The following HEATR1 variants were observed in gnomAD, a reference collection of about 807,000 sequenced individuals.
HEATR1 encodes HEAT repeat-containing protein 1.
Under a neutral mutation model 248.2 loss-of-function variants are expected in HEATR1, and 77 were observed. That is an observed-to-expected ratio of 0.31 (90% CI 0.26 to 0.37). HEATR1 has a LOEUF of 0.37. HEATR1 is among the 10% of genes least tolerant of loss of function. HEATR1 has a pLI of 1.00. For synonymous variants in HEATR1, 897 were observed against 923.1 expected, an observed-to-expected ratio of 0.97 and a Z score of 0.51; for missense variants, 2,420 against 2,504.9, an observed-to-expected ratio of 0.97 and a Z score of 0.72.
intron 8 of HEATR1, 53 bp from the exon 9 acceptor site, chr1:236,594,167 AC>A: frequency 8.6e-7 from 1 of 1,161,936 alleles, no homozygotes; most frequent in South Asian, 1.4e-5. Context: ...TTGCAAGCTA[AC>A]ATTATTAAAT....
At chr1:236,558,756 G>A (rs573338220) in intron 35 of HEATR1, among the ~76,000 whole-genome samples, 28 of 152,300 alleles carry the variant, frequency 1.8e-4, no homozygotes, top group African/African-American at 6.3e-4. Flanking sequence ...CTAAGGCCAC[G>A]TAAGCTCTGT....
chr1:236,558,343 T>G lies in HEATR1; in HGVS notation c.5098A>C (p.Ile1700Leu), dbSNP rs1170160270. 1 of 1,614,130 alleles carries G rather than the reference T, an allele frequency of 6.2e-7. No homozygotes were observed. Among genetic ancestry groups the G allele is most frequent in the Admixed American group, 1.7e-5 (1 of 60,030 alleles). The change falls in exon 36 of 45, where the codon ATT becomes CTT. Residue 1700 changes from isoleucine to leucine, a missense_variant. Physicochemically the swap from Ile to Leu is conservative, Grantham distance 5 (BLOSUM62 2). Transcript: ENST00000366582. ...VPVLNTAVKL[I>L]APERKEEKNV... is the part of the protein sequence containing the mutation. ...TTCTCCTCCTTTCTCTCTGGAGCAA[T>G]CAGTTTCACAGCAGTGTTCAGCACT...
In HEATR1 at chr1:236,551,273, C is replaced by T. The variant is rs549183623; in HGVS notation, c.6347-283G>A. 28 of 400,046 alleles carry T rather than the reference C, an allele frequency of 7.0e-5. 1 individual carries two copies. Among genetic ancestry groups the T allele is most frequent in the South Asian group, 3.7e-4 (9 of 24,324 alleles). The allele number at this position is 400,046 out of a possible 1,614,324, so 24.8% of individuals were successfully genotyped here. ...CCCCTTTAGTAGCTCACACCTCCCC[C>T]CTCCAAGAGCTAAGAAACAAAGGAG... On this transcript the variant is annotated intron_variant, in intron 44 of 44. Coordinates refer to ENST00000366582, the MANE Select transcript of HEATR1 (RefSeq NM_018072.6).
chr1:236,599,143 T>C (rs1377189055), intron 4 of HEATR1, among the ~76,000 whole-genome samples: 2 of 152,210 alleles, frequency 1.3e-5, no homozygotes, highest in Non-Finnish European at 2.9e-5. Context: ...CATGGTACGA[T>C]ACAAAGGCAC....
chr1:236,562,727 T>G (rs73113088), intron 32 of HEATR1, among the ~76,000 whole-genome samples: 11,008 of 148,526 alleles, frequency 0.074, 851 homozygotes, highest in African/African-American at 0.19. Flanking sequence ...CACCTTTAAA[T>G]AGTGAGGCTT....
chr1:236,583,734 G>A (rs151258732), intron 17 of HEATR1, among the ~76,000 whole-genome samples: 3,726 of 152,026 alleles, frequency 0.025, 141 homozygotes, highest in African/African-American at 0.084. Flanking sequence ...TGATCCACCC[G>A]CCTCGGCCTC....
Position 236,574,856 on chromosome 1 carries a change from C to A in HEATR1, c.3132G>T (p.Lys1044Asn), listed in dbSNP as rs771023803. The change falls in exon 23 of 45, where the codon AAG (lysine) becomes AAT (asparagine). Residue 1044 changes from lysine to asparagine, a missense_variant. Coordinates refer to ENST00000366582, the MANE Select transcript of HEATR1 (RefSeq NM_018072.6). ...LLPMAEQLLEKIQKEPTAVLK... is the reference protein window; with the variant it reads ...LLPMAEQLLENIQKEPTAVLK... ...GCACAGCTGTGGGCTCCTTCTGGAT[C>A]TTTTCTAGCAGTTGTTCAGCCATAG... 4.3e-6 allele frequency: 7 copies of A among 1,613,872 alleles called. No homozygotes were observed. The South Asian group carries it at 7.7e-5, about 18-fold the overall frequency.
In HEATR1 at chr1:236,603,468, T is replaced by C. The variant is rs540272106; in HGVS notation, c.143-92A>G. On this transcript the variant is annotated intron_variant, in intron 2 of 44. Transcript: ENST00000366582. Reference sequence around the variant, plus strand: ...TACAGTTTTACTTACCCCTAAGAAGTTTCTGAATTCTTTAAGTACATATAA... The same window carrying C: ...TACAGTTTTACTTACCCCTAAGAAGCTTCTGAATTCTTTAAGTACATATAA... The C allele has an allele frequency of 1.1e-4, 111 of 965,424 alleles. 2 individuals are homozygous for C. The East Asian group carries it at 1.7e-3, about 15-fold the overall frequency. 59.8% of individuals were successfully genotyped at this position (965,424 alleles called of 1,614,324 possible). A position where few individuals can be genotyped will look rare whatever the true frequency, so the allele number is the denominator to read the frequency against.
chr1:236,550,760 G>T lies in HEATR1; in HGVS notation c.*142C>A. 1.6e-6 allele frequency: 1 copy of T among 626,930 alleles called. No homozygotes were observed. Among genetic ancestry groups the T allele is most frequent in the Non-Finnish European group, 2.7e-6 (1 of 368,596 alleles). The allele number at this position is 626,930 out of a possible 1,614,324, so 38.8% of individuals were successfully genotyped here. ...GCAGCACAAGCCAGGTGGGGATTTT[G>T]TAAAGAAGTGATAAAACATTTGTAA... is the stretch of plus-strand genomic sequence containing the variant. On this transcript the variant is annotated 3_prime_UTR_variant, in exon 45 of 45. Coordinates refer to ENST00000366582, the MANE Select transcript of HEATR1 (RefSeq NM_018072.6).
At chr1:236,553,340 A>G (rs1049153672) in intron 43 of HEATR1, among the ~76,000 whole-genome samples, 2 of 152,184 alleles carry the variant, frequency 1.3e-5, no homozygotes, top group Non-Finnish European at 2.9e-5. Flanking sequence ...TGCCCAACGC[A>G]CCATTGGGGT....
chr1:236,553,532 C>T (rs1662846367), intron 43 of HEATR1, 49 bp downstream of exon 43: 4 of 1,582,224 alleles, frequency 2.5e-6, no homozygotes, highest in Non-Finnish European at 3.4e-6. Flanking sequence ...GCTGTTTAGG[C>T]TATGCAGTGA....
Sources: allele counts gnomAD v4.1 joint callset (sites outside exome capture counted in the v4.1 genomes callset), GRCh38; gene constraint gnomAD v4.1.1; transcripts MANE v1.5; gene names NCBI Gene and HGNC (gene_info 2026-07-23, HGNC 2026-07-21).